Variants in BRINP3 observed in about 807,000 individuals in gnomAD.
The protein encoded by BRINP3 is BMP/retinoic acid inducible neural specific 3, also known as BMP/retinoic acid-inducible neural-specific protein 3.
A neutral mutation model predicts 71.0 loss-of-function variants in BRINP3; 19 were observed. The observed-to-expected ratio is 0.27, with a 90% confidence interval of 0.19 to 0.39. BRINP3 has a LOEUF of 0.39. Ranked by LOEUF, BRINP3 falls within the 10% of genes least tolerant of loss-of-function variation. The pLI, the probability that BRINP3 is intolerant of heterozygous loss-of-function variation, is 1.00. For synonymous variants in BRINP3, 380 were observed against 337.7 expected, an observed-to-expected ratio of 1.13 and a Z score of -1.37; for missense variants, 959 against 940.8, an observed-to-expected ratio of 1.02 and a Z score of -0.25.
intron 2 of BRINP3, among the ~76,000 whole-genome samples, chr1:190,335,010 A>T (rs2103091605): frequency 6.6e-6 from 1 of 151,948 alleles, no homozygotes; most frequent in Non-Finnish European, 1.5e-5. Flanking sequence ...TATCTAGTTT[A>T]AAGATATTGC....
chr1:190,256,865 C>G (rs1660708176), intron 4 of BRINP3, among the ~76,000 whole-genome samples: 2 of 152,312 alleles, frequency 1.3e-5, no homozygotes, highest in South Asian at 4.1e-4. Flanking sequence ...TTCTTTTAGT[C>G]TGACGTGCTA....
intron 2 of BRINP3, among the ~76,000 whole-genome samples, chr1:190,448,812 C>T (rs1675410718): frequency 6.6e-6 from 1 of 151,582 alleles, no homozygotes; most frequent in Admixed American, 6.6e-5. Flanking sequence ...TTTGATAATT[C>T]TATCATTTTC....
intron 2 of BRINP3, among the ~76,000 whole-genome samples, chr1:190,393,639 C>A (rs1671394213): frequency 6.6e-6 from 1 of 151,374 alleles, no homozygotes; most frequent in South Asian, 2.1e-4. Context: ...TTTTAATTGG[C>A]TAGTAAAATC....
intron 2 of BRINP3, among the ~76,000 whole-genome samples, chr1:190,433,659 T>C (rs952093636): frequency 6.6e-6 from 1 of 152,140 alleles, no homozygotes; most frequent in African/African-American, 2.4e-5. Context: ...GCAGCAATGG[T>C]CACAATCTGA....
chr1:190,309,883 G>T (rs541369763), intron 2 of BRINP3, among the ~76,000 whole-genome samples: 31 of 151,708 alleles, frequency 2.0e-4, no homozygotes, highest in Middle Eastern at 6.8e-3. Context: ...CAAAGATTCA[G>T]AATGAAATCC....
At chr1:190,129,783 T>G (rs1654383975) in intron 7 of BRINP3, among the ~76,000 whole-genome samples, 1 of 151,998 alleles carries the variant, frequency 6.6e-6, no homozygotes, top group African/African-American at 2.4e-5. Flanking sequence ...CACAGAATGC[T>G]ATTTGCATGC....
At chr1:190,354,362 A>G (rs979297891) in intron 2 of BRINP3, among the ~76,000 whole-genome samples, 1 of 151,864 alleles carries the variant, frequency 6.6e-6, no homozygotes, top group African/African-American at 2.4e-5. Flanking sequence ...CCCCACTACA[A>G]AGAATTATAC....
intron 7 of BRINP3, among the ~76,000 whole-genome samples, chr1:190,138,902 G>A (rs1655193425): frequency 6.6e-6 from 1 of 152,124 alleles, no homozygotes; most frequent in East Asian, 1.9e-4. Flanking sequence ...CATCTCAATG[G>A]CGGCAGCAGG....
chr1:190,198,151 T>C (rs1380981080), intron 6 of BRINP3, among the ~76,000 whole-genome samples: 1 of 149,218 alleles, frequency 6.7e-6, no homozygotes, highest in Non-Finnish European at 1.5e-5. Context: ...GTCTGTGACA[T>C]AAGGAACCAA....
intron 4 of BRINP3, among the ~76,000 whole-genome samples, chr1:190,254,701 C>G (rs989762679): frequency 6.6e-6 from 1 of 152,134 alleles, no homozygotes; most frequent in African/African-American, 2.4e-5. Context: ...TCTAAATATA[C>G]AATCATGTCT....
intron 6 of BRINP3, among the ~76,000 whole-genome samples, chr1:190,173,470 C>A (rs985398789): frequency 6.6e-6 from 1 of 152,160 alleles, no homozygotes; most frequent in African/African-American, 2.4e-5. Flanking sequence ...AAGGGAGATA[C>A]ATTGGTCTTC....
At chr1:190,252,654 A>G (rs775785328) in intron 4 of BRINP3, among the ~76,000 whole-genome samples, 1 of 152,112 alleles carries the variant, frequency 6.6e-6, no homozygotes, top group Non-Finnish European at 1.5e-5. Flanking sequence ...AATTTCAATT[A>G]GCATTTATTG....
intron 4 of BRINP3, among the ~76,000 whole-genome samples, chr1:190,249,474 C>CA (rs1274327665): frequency 2.6e-5 from 4 of 151,420 alleles, no homozygotes; most frequent in Non-Finnish European, 5.9e-5. Flanking sequence ...CTTATTAAAA[C>CA]AAAAAAATTA....
chr1:190,341,549 A>G (rs1316101289), intron 2 of BRINP3, among the ~76,000 whole-genome samples: 1 of 151,816 alleles, frequency 6.6e-6, no homozygotes, highest in Non-Finnish European at 1.5e-5. Context: ...CCAATGAACA[A>G]AACAACAAAA....
Position 190,226,173 on chromosome 1 carries a change from G to C in BRINP3, c.870C>G (p.Asn290Lys). 2 of 1,612,584 alleles carry C rather than the reference G, an allele frequency of 1.2e-6. No individual in the cohort carries two copies. Among genetic ancestry groups the C allele is most frequent in the Non-Finnish European group, 1.7e-6 (2 of 1,179,096 alleles). Residue 290 changes from asparagine to lysine, a missense_variant, in exon 6 of 8, where the codon AAC becomes AAG. By Grantham distance (94) the Asn-to-Lys change is moderately conservative. Transcript: ENST00000367462. ...CHCGPKFPEC[N>K]CPSMDIQAME... Reference sequence around the variant, plus strand: ...TGGCTTGAATGTCCATGGAGGGGCAGTTGCATTCTGGAAATTTGGGACCAC... The same window carrying C: ...TGGCTTGAATGTCCATGGAGGGGCACTTGCATTCTGGAAATTTGGGACCAC...
At chr1:190,370,688 A>G (rs908560707) in intron 2 of BRINP3, among the ~76,000 whole-genome samples, 1 of 152,202 alleles carries the variant, frequency 6.6e-6, no homozygotes, top group Admixed American at 6.5e-5. Context: ...CTTCATGGCG[A>G]AGCCTGTGCC....
intron 6 of BRINP3, among the ~76,000 whole-genome samples, chr1:190,165,157 G>GAT (rs1233068090): frequency 2.6e-5 from 4 of 151,600 alleles, no homozygotes; most frequent in Admixed American, 6.6e-5. Context: ...ACATATGTCT[G>GAT]ATATATATAT....
At chr1:190,345,161 C>T (rs1667930258) in intron 2 of BRINP3, among the ~76,000 whole-genome samples, 1 of 151,800 alleles carries the variant, frequency 6.6e-6, no homozygotes, top group South Asian at 2.1e-4. Flanking sequence ...AACATTGAGA[C>T]TCATTGGTCT....
At chr1:190,306,613 G>A (rs945703791) in intron 2 of BRINP3, among the ~76,000 whole-genome samples, 3 of 151,736 alleles carry the variant, frequency 2.0e-5, no homozygotes, top group Non-Finnish European at 4.4e-5. Context: ...TTGTTATAAG[G>A]ATTAAGTTTG....
Sources: gnomAD v4.1 joint callset for allele counts (sites outside exome capture counted in the v4.1 genomes callset) on GRCh38, gnomAD v4.1.1 for gene constraint, MANE v1.5 for transcripts, NCBI Gene and HGNC (gene_info 2026-07-23, HGNC 2026-07-21) for gene names.